The following XKR9 variants were observed in gnomAD, a reference collection of about 807,000 sequenced individuals.
The protein encoded by XKR9 is XK related 9, also known as XK-related protein 9.
In XKR9, 32 loss-of-function variants were observed where a neutral mutation model predicts 32.0. That is an observed-to-expected ratio of 1.00 (90% confidence interval 0.76 to 1.34). XKR9 has a LOEUF of 1.34. XKR9 is among the 40% of genes most tolerant of loss of function. XKR9 has a pLI of 0.00. For missense variants in XKR9, 546 were observed against 429.7 expected, an observed-to-expected ratio of 1.27 and a Z score of -2.39; for synonymous variants, 168 against 143.4, an observed-to-expected ratio of 1.17 and a Z score of -1.22.
Position 70,696,684 on chromosome 8 carries a change from A to G in XKR9, c.273-10249A>G, listed in dbSNP as rs1345322427. ...GATGCGGGCTCTTTCTTGTTTCCATATGAACTTTAAAGTAGTTTTTTCCAA... is the reference window on the plus strand; with the variant it reads ...GATGCGGGCTCTTTCTTGTTTCCATGTGAACTTTAAAGTAGTTTTTTCCAA... On this transcript the variant is annotated intron_variant, in intron 3 of 4. Transcript: ENST00000408926. Among the ~76,000 whole-genome samples, 42 of 143,194 alleles carry G rather than the reference A, an allele frequency of 2.9e-4. 1 individual carries two copies. Among genetic ancestry groups the G allele is most frequent in the African/African-American group, 1.0e-3 (41 of 39,532 alleles). The allele number at this position is 143,194 out of a possible 152,430, so 93.9% of individuals were successfully genotyped here.
intron 2 of XKR9, among the ~76,000 whole-genome samples, chr8:70,769,993 T>C (rs1338013475): frequency 2.6e-5 from 4 of 152,064 alleles, no homozygotes; most frequent in Admixed American, 6.6e-5. Flanking sequence ...TGGCGAGGAA[T>C]TGTGATCCTT....
chr8:70,985,305 C>G, the XKR9 span, among the ~76,000 whole-genome samples: 3 of 152,128 alleles, frequency 2.0e-5, no homozygotes, highest in African/African-American at 7.2e-5. Flanking sequence ...ATAATGGTTT[C>G]CAGCCTCATT....
intron 2 of XKR9, among the ~76,000 whole-genome samples, chr8:70,771,097 A>G (rs1185327534): frequency 6.6e-6 from 1 of 152,184 alleles, no homozygotes; most frequent in African/African-American, 2.4e-5. Context: ...TGGGAAAAGC[A>G]TAGTATCTGG....
chr8:70,966,747 G>T, the XKR9 span, among the ~76,000 whole-genome samples: 2 of 152,052 alleles, frequency 1.3e-5, no homozygotes, highest in African/African-American at 4.8e-5. Flanking sequence ...TTATTGTGTG[G>T]GAGTCTAAGT....
chr8:71,039,707 C>A, the XKR9 span, among the ~76,000 whole-genome samples: 2 of 152,120 alleles, frequency 1.3e-5, no homozygotes, highest in African/African-American at 2.4e-5. Flanking sequence ...TGTTGTTCAA[C>A]TGTTTTTAAT....
chr8:70,901,942 C>G, the XKR9 span, among the ~76,000 whole-genome samples: 1 of 152,122 alleles, frequency 6.6e-6, no homozygotes, highest in Non-Finnish European at 1.5e-5. Flanking sequence ...TTGTTTTTGT[C>G]AGGTTTGTCA....
downstream of XKR9, among the ~76,000 whole-genome samples, chr8:70,793,593 T>C (rs1807792734): frequency 6.6e-6 from 1 of 152,116 alleles, no homozygotes; most frequent in Non-Finnish European, 1.5e-5. Context: ...AATTACCCAG[T>C]TTCAGGTGTT....
intron 3 of XKR9, among the ~76,000 whole-genome samples, chr8:70,686,696 G>T (rs1003656110): frequency 7.2e-5 from 11 of 152,022 alleles, no homozygotes; most frequent in African/African-American, 2.7e-4. Flanking sequence ...CGTCTCCTTC[G>T]GCCTCTCAAA....
At chr8:70,697,448 G>T (rs1428003315) in intron 3 of XKR9, among the ~76,000 whole-genome samples, 5 of 149,976 alleles carry the variant, frequency 3.3e-5, no homozygotes, top group African/African-American at 4.9e-5. Flanking sequence ...TAATCATGTG[G>T]TTTTTGTCTT....
At chr8:70,793,027 A>T (rs1381800793), downstream of XKR9, among the ~76,000 whole-genome samples, 1 of 152,148 alleles carries the variant, frequency 6.6e-6, no homozygotes, top group Non-Finnish European at 1.5e-5. Flanking sequence ...AAAGGCTTAC[A>T]CTTATGTTTT....
intron 2 of XKR9, among the ~76,000 whole-genome samples, chr8:70,741,696 G>A (rs1029477035): frequency 6.6e-6 from 1 of 152,180 alleles, no homozygotes; most frequent in African/African-American, 2.4e-5. Context: ...TGGCTATTGT[G>A]AATAGTGCAA....
chr8:70,894,192 A>G, the XKR9 span, among the ~76,000 whole-genome samples: 2 of 151,774 alleles, frequency 1.3e-5, no homozygotes, highest in Admixed American at 1.3e-4. Flanking sequence ...TGTAGTAGTG[A>G]CACTATACCC....
At chr8:70,794,757 T>G (rs1395261618), downstream of XKR9, among the ~76,000 whole-genome samples, 2 of 151,734 alleles carry the variant, frequency 1.3e-5, no homozygotes, top group African/African-American at 2.4e-5. Context: ...TTTGTTTGAT[T>G]GGCTAGTATT....
chr8:70,876,632 A>G, the XKR9 span, among the ~76,000 whole-genome samples: 1 of 152,172 alleles, frequency 6.6e-6, no homozygotes, highest in Non-Finnish European at 1.5e-5. Flanking sequence ...AAATTTCAGA[A>G]GACTGAAATT....
the XKR9 span, among the ~76,000 whole-genome samples, chr8:71,042,832 T>G: frequency 1.3e-5 from 2 of 152,176 alleles, no homozygotes; most frequent in African/African-American, 4.8e-5. Context: ...ATGGGCTTCC[T>G]GGTGCACCCC....
the XKR9 span, among the ~76,000 whole-genome samples, chr8:71,037,944 A>C: frequency 6.6e-6 from 1 of 152,178 alleles, no homozygotes; most frequent in Admixed American, 6.5e-5. Flanking sequence ...AAAACATAAA[A>C]ATGTACACGA....
At chr8:70,720,587 G>A (rs745976100) in intron 4 of XKR9, among the ~76,000 whole-genome samples, 6 of 152,004 alleles carry the variant, frequency 3.9e-5, no homozygotes, top group South Asian at 2.1e-4. Flanking sequence ...TTCTGTTTAC[G>A]TGACTAATTA....
the XKR9 span, among the ~76,000 whole-genome samples, chr8:70,826,576 TG>T: frequency 6.6e-6 from 1 of 152,182 alleles, no homozygotes; most frequent in Non-Finnish European, 1.5e-5. Flanking sequence ...TATTGATTTA[TG>T]TTACTTCCTT....
chr8:70,885,557 T>C, the XKR9 span, among the ~76,000 whole-genome samples: 1 of 152,030 alleles, frequency 6.6e-6, no homozygotes, highest in Non-Finnish European at 1.5e-5. Context: ...CCTAATGCTC[T>C]CCCTCCCCTT....
Sources: allele counts gnomAD v4.1 joint callset (sites outside exome capture counted in the v4.1 genomes callset), GRCh38; gene constraint gnomAD v4.1.1; transcripts MANE v1.5; gene names NCBI Gene and HGNC (gene_info 2026-07-23, HGNC 2026-07-21).